Variants in TBC1D8B observed in about 807,000 individuals in gnomAD.
TBC1D8B encodes the protein RP11-321G1.1.
Under a neutral mutation model 82.9 loss-of-function variants are expected in TBC1D8B, and 75 were observed. That is an observed-to-expected ratio of 0.90 (90% CI 0.75 to 1.10). TBC1D8B has a LOEUF of 1.10. Ranked by LOEUF, TBC1D8B falls within the 50% of genes least tolerant of loss-of-function variation. TBC1D8B has a pLI of 0.00. For missense variants in TBC1D8B, 794 were observed against 796.9 expected (o/e 1.00, Z 0.04); for synonymous variants, 276 against 276.8 (o/e 1.00, Z 0.03).
chrX:106,832,698 C>T (rs1373208130), intron 7 of TBC1D8B, among the ~76,000 whole-genome samples: 1 of 111,322 alleles, frequency 9.0e-6, no homozygotes, highest in South Asian at 3.7e-4. Flanking sequence ...TAACTTGTTT[C>T]ATATAGTTAG....
At chrX:106,852,879 T>A (rs1190003740) in intron 12 of TBC1D8B, among the ~76,000 whole-genome samples, 1 of 111,749 alleles carries the variant, frequency 8.9e-6, no homozygotes, top group Non-Finnish European at 1.9e-5. Context: ...CTTTGTTCTT[T>A]TGCCTTAGGA....
intron 11 of TBC1D8B, among the ~76,000 whole-genome samples, chrX:106,848,952 T>G (rs1342713699): frequency 9.5e-6 from 1 of 105,021 alleles, no homozygotes; most frequent in African/African-American, 3.5e-5. Context: ...TTTTTTTTTG[T>G]ATTTTTAGTA....
In TBC1D8B at chrX:106,809,710, C is replaced by A. The variant is rs762312315; in HGVS notation, c.130+6727C>A. Among the ~76,000 whole-genome samples, 105 of 108,848 alleles carry A rather than the reference C, an allele frequency of 9.6e-4. 1 individual carries two copies. The Admixed American group carries it at 9.7e-3, about 10-fold the overall frequency. The allele number at this position is 108,848 out of a possible 115,157, so 94.5% of individuals were successfully genotyped here. ...ACCAGCCTGGTCAACATGGTGAAAC[C>A]CCATCTCTACAAAAAATACAAAAAT... On this transcript the variant is annotated intron_variant, in intron 1 of 20. Transcript: ENST00000357242.
intron 14 of TBC1D8B, among the ~76,000 whole-genome samples, chrX:106,859,138 C>T (rs970398567): frequency 2.7e-5 from 3 of 111,926 alleles, no homozygotes; most frequent in Non-Finnish European, 5.6e-5. Context: ...AGGTGAATAA[C>T]GTGATACCTC....
At position 106,865,816 on chromosome X, in the gene TBC1D8B, T is replaced by C. The variant is rs1422837527; in HGVS notation, c.2445T>C (p.Tyr815=). ...AGAAAGAGCTGTTTTTATCTTGTTA[T>C]TGGTGTTTGGGTTGCCCAGTATTGA... ...IFKKELFLSC[Y]WCLGCPVLKH... Residue 815 remains tyrosine (Y), a synonymous_variant, in exon 16 of 21, where the codon TAT becomes TAC. Transcript: ENST00000357242. 1.7e-6 allele frequency: 2 copies of C among 1,202,142 alleles called. No homozygotes were observed. The highest frequency in any genetic ancestry group is 3.5e-5 in the African/African-American group (2 of 56,945).
chrX:106,810,076 G>A (rs750684670), intron 1 of TBC1D8B, among the ~76,000 whole-genome samples: 20 of 111,409 alleles, frequency 1.8e-4, no homozygotes, highest in African/African-American at 6.2e-4. Context: ...ATTTTCCAAG[G>A]CCAGCTGTCT....
chrX:106,821,411 A>G (rs758007767), intron 3 of TBC1D8B, among the ~76,000 whole-genome samples: 2 of 110,970 alleles, frequency 1.8e-5, no homozygotes, highest in South Asian at 3.8e-4. Flanking sequence ...AAAAAAATAT[A>G]TTTAGCACTT....
rs372704324 is a variant in TBC1D8B at position 106,866,806 on chromosome X, A to G, written c.2672A>G (p.Tyr891Cys). The change falls in exon 17 of 21, where the codon TAC (tyrosine) becomes TGC (cysteine). Residue 891 changes from tyrosine (Y) to cysteine (C), a missense_variant. Physicochemically the swap from Tyr to Cys is radical, Grantham distance 194. Coordinates refer to ENST00000357242, the MANE Select transcript of TBC1D8B (RefSeq NM_017752.3). ...GAATTTTATTGAACAGACATAATGTACAATGGAAGTTTTACTGAGAAGCTT... is the reference window on the plus strand; with the variant it reads ...GAATTTTATTGAACAGACATAATGTGCAATGGAAGTTTTACTGAGAAGCTT... ...KEFSSAIDIM[Y>C]NGSFTEKLKL... 3.4e-6 allele frequency: 4 copies of G among 1,170,493 alleles called. No homozygotes were observed. The highest frequency in any genetic ancestry group is 3.6e-5 in the African/African-American group (2 of 56,237).
At chrX:106,853,332 G>A (rs886979197) in intron 12 of TBC1D8B, among the ~76,000 whole-genome samples, 189 bp from the exon 13 acceptor site, 2 of 111,180 alleles carry the variant, frequency 1.8e-5, no homozygotes, top group African/African-American at 3.3e-5. Flanking sequence ...GGGCTGAGAC[G>A]ATGGGGTTTT....
intron 5 of TBC1D8B, among the ~76,000 whole-genome samples, chrX:106,824,144 C>T (rs756031393): frequency 8.9e-6 from 1 of 111,916 alleles, no homozygotes; most frequent in East Asian, 2.8e-4. Context: ...GACCAGATAT[C>T]TTTTATCCTG....
chrX:106,857,183 C>T (rs960228653), intron 14 of TBC1D8B, among the ~76,000 whole-genome samples: 1 of 110,992 alleles, frequency 9.0e-6, no homozygotes, highest in Non-Finnish European at 1.9e-5. Context: ...GAGACTGAGT[C>T]TCACTGTCGC....
chrX:106,808,388 A>G (rs1230102219), intron 1 of TBC1D8B, among the ~76,000 whole-genome samples: 1 of 111,526 alleles, frequency 9.0e-6, no homozygotes, highest in Non-Finnish European at 1.9e-5. Flanking sequence ...TTAAAATGCC[A>G]TTTTCTGGGC....
At chrX:106,806,594 C>T (rs750384528) in intron 1 of TBC1D8B, among the ~76,000 whole-genome samples, 2 of 111,654 alleles carry the variant, frequency 1.8e-5, no homozygotes, top group African/African-American at 3.2e-5. Flanking sequence ...GTCTGCCAAT[C>T]AGGAAGCCTT....
Position 106,850,241 on chromosome X carries a change from T to C in TBC1D8B, c.2054T>C (p.Ile685Thr). 1 of 1,211,445 alleles carries C rather than the reference T, an allele frequency of 8.3e-7. No individual in the cohort carries two copies. The highest frequency in any genetic ancestry group is 1.1e-6 in the Non-Finnish European group (1 of 895,406). ...IKAILQLGLA[I>T]LDYNLDKLLT... ...GCCATTTTGCAACTGGGATTGGCAATACTTGACTATAATTTAGACAAACTG... is the reference window on the plus strand; with the variant it reads ...GCCATTTTGCAACTGGGATTGGCAACACTTGACTATAATTTAGACAAACTG... The change falls in exon 12 of 21, where the codon ATA becomes ACA. Residue 685 changes from isoleucine (I) to threonine (T), a missense_variant. Ile to Thr is a moderately conservative substitution (Grantham distance 89). Coordinates refer to ENST00000357242, the MANE Select transcript of TBC1D8B (RefSeq NM_017752.3).
intron 14 of TBC1D8B, among the ~76,000 whole-genome samples, chrX:106,858,183 C>CTT (rs1932734149): frequency 8.9e-6 from 1 of 112,145 alleles, no homozygotes; most frequent in Non-Finnish European, 1.9e-5. Flanking sequence ...TGATCATGTG[C>CTT]TTGTTGGCTG....
intron 14 of TBC1D8B, among the ~76,000 whole-genome samples, chrX:106,855,680 G>A (rs1932680845): frequency 8.9e-6 from 1 of 111,777 alleles, no homozygotes; most frequent in South Asian, 3.7e-4. Flanking sequence ...AATACTTTAT[G>A]TAAACATTCT....
intron 7 of TBC1D8B, among the ~76,000 whole-genome samples, chrX:106,830,272 G>A (rs941038775): frequency 8.1e-5 from 9 of 111,443 alleles, no homozygotes; most frequent in African/African-American, 1.3e-4. Context: ...TTAGAATGGC[G>A]ATCATTAAAA....
At chrX:106,849,500 G>A (rs1010031243) in intron 11 of TBC1D8B, 38 of 1,006,367 alleles carry the variant, frequency 3.8e-5, no homozygotes, top group Non-Finnish European at 4.6e-5. Flanking sequence ...GAAGGCCCTG[G>A]CTTCTCTTGA....
rs148866437 is a variant in TBC1D8B at position 106,873,772 on chromosome X, A to T, written c.3170A>T (p.Lys1057Ile). 102 of 1,210,119 alleles carry T rather than the reference A, an allele frequency of 8.4e-5. No individual in the cohort carries two copies. In the African/African-American group the frequency reaches 1.7e-3, roughly 20 times the overall value. The change falls in exon 21 of 21, where the codon AAA (lysine) becomes ATA (isoleucine). Residue 1057 changes from lysine (K) to isoleucine (I), a missense_variant. Physicochemically the swap from Lys to Ile is moderately radical, Grantham distance 102 (BLOSUM62 -3). Transcript: ENST00000357242. ...GGTTCTGGAGGACCCAGTGAGGAAAAAACAGGGAGCCACTTGGAGAAAGAT... is the reference window on the plus strand; with the variant it reads ...GGTTCTGGAGGACCCAGTGAGGAAATAACAGGGAGCCACTTGGAGAAAGAT... ...VCGSGGPSEE[K>I]TGSHLEKDPC...
Sources: allele counts gnomAD v4.1 joint callset (sites outside exome capture counted in the v4.1 genomes callset), GRCh38; gene constraint gnomAD v4.1.1; transcripts MANE v1.5; gene names NCBI Gene and HGNC (gene_info 2026-07-23, HGNC 2026-07-21).